GPA33: variants seen among roughly 807,000 people sequenced by gnomAD.
GPA33 encodes cell surface A33 antigen.
Under a neutral mutation model 35.6 loss-of-function variants are expected in GPA33, and 27 were observed. That is an observed-to-expected ratio of 0.76 (90% CI 0.56 to 1.04). GPA33 has a LOEUF of 1.04. GPA33 is among the 50% of genes least tolerant of loss of function. The pLI is 0.00. For missense variants in GPA33, 428 were observed against 411.9 expected (o/e 1.04, Z -0.34); for synonymous variants, 176 against 164.0 (o/e 1.07, Z -0.56).
At chr1:167,083,634 G>A (rs189420952) in intron 1 of GPA33, among the ~76,000 whole-genome samples, 2 of 152,312 alleles carry the variant, frequency 1.3e-5, no homozygotes, top group Non-Finnish European at 2.9e-5. Flanking sequence ...AGTAACGAGT[G>A]TCATGCATAT....
chr1:167,074,876 G>T (rs1347864846), intron 1 of GPA33, among the ~76,000 whole-genome samples: 1 of 150,202 alleles, frequency 6.7e-6, no homozygotes, highest in African/African-American at 2.5e-5. Flanking sequence ...GCCCTGGAGA[G>T]ATTTAAGCAG....
chr1:167,068,445 C>T (rs1666645872), intron 3 of GPA33, among the ~76,000 whole-genome samples: 1 of 152,178 alleles, frequency 6.6e-6, no homozygotes, highest in Non-Finnish European at 1.5e-5. Context: ...CAGAACCTGA[C>T]TGATGGAGTA....
At chr1:167,082,558 C>A (rs1666971562) in intron 1 of GPA33, among the ~76,000 whole-genome samples, 1 of 152,128 alleles carries the variant, frequency 6.6e-6, no homozygotes. Context: ...TCTGAAAGTG[C>A]AGCAGACACC....
rs1201269878 is a variant in GPA33, at chr1:167,063,718, T to C, written c.435A>G (p.Glu145=). 1 of 1,613,126 alleles carries C rather than the reference T, an allele frequency of 6.2e-7. No homozygotes were observed. Residue 145 remains glutamate, a synonymous_variant, in exon 4 of 7, where the codon GAA becomes GAG. Transcript: ENST00000367868. ...LLVLVPPSKP[E]CGIEGETIIG... is the part of the protein sequence containing the mutation. ...TTATGGTCTCTCCCTCGATGCCGCA[T>C]TCTGGTTTGGAGGGTGGCACTATAT... is the stretch of plus-strand genomic sequence containing the variant.
rs768379935 is a variant in GPA33 at position 167,078,854 on chromosome 1, G to A, written c.44-5315C>T. 7.9e-5 allele frequency: 12 copies of A among 152,322 alleles called. No homozygotes were observed. The East Asian group carries it at 9.6e-4, about 12-fold the overall frequency. The allele number at this position is 152,322 out of a possible 1,614,324, so 9.4% of individuals were successfully genotyped here. ...ACAGTTTTCCTTTGAGAAACGGGCC[G>A]TGTGAGAATTAAGTGACATGAAATG... On this transcript the variant is annotated intron_variant, in intron 1 of 6. Transcript: ENST00000367868.
intron 1 of GPA33, among the ~76,000 whole-genome samples, chr1:167,078,161 A>T (rs1429916125): frequency 6.6e-6 from 1 of 152,222 alleles, no homozygotes; most frequent in Non-Finnish European, 1.5e-5. Context: ...CAATCTTGTC[A>T]CAGAAACTCT....
chr1:167,055,047 A>T lies in GPA33; in HGVS notation c.756T>A (p.Ile252=), dbSNP rs1558000708. Residue 252 remains isoleucine, a synonymous_variant, in exon 6 of 7, where the codon ATT becomes ATA. Coordinates refer to ENST00000367868, the MANE Select transcript of GPA33 (RefSeq NM_005814.3). Reference sequence around the variant, plus strand: ...AGCAGCAGCAGTAGATGATGATGCCAATGATAATGAGGGCTGCAACCACGC... The same window carrying T: ...AGCAGCAGCAGTAGATGATGATGCCTATGATAATGAGGGCTGCAACCACGC... The part of the protein sequence containing the change: ...AVGVVAALII[I]GIIIYCCCCR... 1 of 1,613,926 alleles carries T rather than the reference A, an allele frequency of 6.2e-7. No homozygotes were observed.
intron 1 of GPA33, among the ~76,000 whole-genome samples, chr1:167,088,316 G>A (rs12040885): frequency 0.43 from 65,125 of 152,022 alleles, 14,356 homozygotes; most frequent in Non-Finnish European, 0.46. Flanking sequence ...GCTTTTGGTC[G>A]ACCTTTGAAG....
intron 1 of GPA33, among the ~76,000 whole-genome samples, chr1:167,077,441 G>A (rs1441173591): frequency 2.0e-5 from 3 of 152,078 alleles, no homozygotes; most frequent in Admixed American, 6.5e-5. Flanking sequence ...TCCCTGGAGC[G>A]CTGTCCTCAC....
chr1:167,083,738 A>G (rs1666999052), intron 1 of GPA33, among the ~76,000 whole-genome samples: 1 of 151,964 alleles, frequency 6.6e-6, no homozygotes, highest in Non-Finnish European at 1.5e-5. Flanking sequence ...AAAATAGGAG[A>G]AGAGATGTGA....
intron 3 of GPA33, among the ~76,000 whole-genome samples, chr1:167,064,271 C>A (rs187028918): frequency 6.7e-6 from 1 of 150,136 alleles, no homozygotes; most frequent in East Asian, 2.0e-4. Flanking sequence ...GCAACAAGAG[C>A]AAAACTCTGT....
At chr1:167,074,009 T>A (rs1003324996) in intron 1 of GPA33, among the ~76,000 whole-genome samples, 6 of 151,776 alleles carry the variant, frequency 4.0e-5, no homozygotes, top group Non-Finnish European at 7.4e-5. Flanking sequence ...TTAACAAGTA[T>A]TTATGGAACA....
At position 167,061,347 on chromosome 1, in the gene GPA33, A is replaced by T. The variant is rs370319188; in HGVS notation, c.571+2235T>A. Among the ~76,000 whole-genome samples the T allele has an allele frequency of 1.8e-4, 27 of 152,312 alleles. 1 individual carries two copies. The South Asian group carries it at 5.4e-3, about 30-fold the overall frequency. On this transcript the variant is annotated intron_variant, in intron 4 of 6. Coordinates refer to ENST00000367868, the MANE Select transcript of GPA33 (RefSeq NM_005814.3). ...CACACTTTGCAGGAAAGAAGATCAG[A>T]CACTACCAGTGTCCACAGCACACCT...
At chr1:167,089,437 A>G (rs1667114980) in intron 1 of GPA33, among the ~76,000 whole-genome samples, 1 of 152,190 alleles carries the variant, frequency 6.6e-6, no homozygotes, top group Non-Finnish European at 1.5e-5. Flanking sequence ...ACTAAACCAA[A>G]GATATTCCTA....
chr1:167,075,634 G>GCC (rs1666809229), intron 1 of GPA33, among the ~76,000 whole-genome samples: 3 of 152,198 alleles, frequency 2.0e-5, no homozygotes, highest in African/African-American at 7.2e-5. Flanking sequence ...AGTTATGTAA[G>GCC]TCTGGAGTGC....
At chr1:167,071,427 G>T (rs988605988) in intron 2 of GPA33, among the ~76,000 whole-genome samples, 5 of 152,228 alleles carry the variant, frequency 3.3e-5, no homozygotes, top group Non-Finnish European at 5.9e-5. Context: ...ACACCTGTGC[G>T]TGCAGTGCGC....
rs1666758244 is a variant in GPA33, at chr1:167,073,369, T to G, written c.198+16A>C. On this transcript the variant is annotated intron_variant, in intron 2 of 6. Coordinates refer to ENST00000367868, the MANE Select transcript of GPA33 (RefSeq NM_005814.3). ...TAATCATTCCCATGTTGCCTGAACTTGTAAAGTATCCTTACCGTATGAGTG... is the reference window on the plus strand; with the variant it reads ...TAATCATTCCCATGTTGCCTGAACTGGTAAAGTATCCTTACCGTATGAGTG... 4 of 1,610,564 alleles carry G rather than the reference T, an allele frequency of 2.5e-6. No individual in the cohort carries two copies. The highest frequency in any genetic ancestry group is 1.7e-5 in the Admixed American group (1 of 59,974).
chr1:167,074,906 C>CTTTTT (rs774982628), intron 1 of GPA33, among the ~76,000 whole-genome samples: 4 of 121,734 alleles, frequency 3.3e-5, no homozygotes, highest in African/African-American at 6.5e-5. Flanking sequence ...ATTTGACTTA[C>CTTTTT]TTTTTTTTTT....
chr1:167,056,742 T>TATG (rs1666293457), intron 4 of GPA33, among the ~76,000 whole-genome samples: 1 of 2,428 alleles, frequency 4.1e-4, no homozygotes, highest in African/African-American at 1.6e-3. Flanking sequence ...ATGTGGTGTG[T>TATG]GTGGTGTGTG....
Sources: allele counts gnomAD v4.1 joint callset (sites outside exome capture counted in the v4.1 genomes callset), GRCh38; gene constraint gnomAD v4.1.1; transcripts MANE v1.5; gene names NCBI Gene and HGNC (gene_info 2026-07-23, HGNC 2026-07-21).